CYYR1: variants seen among roughly 807,000 people sequenced by gnomAD.
CYYR1 encodes the protein cysteine and tyrosine-rich protein 1.
Under a neutral mutation model 15.2 loss-of-function variants are expected in CYYR1, and 14 were observed. That is an observed-to-expected ratio of 0.92 (90% confidence interval 0.61 to 1.44). The LOEUF (loss-of-function observed/expected upper bound fraction) is 1.44, where lower values mean the gene tolerates loss of function less well. Ranked by LOEUF, CYYR1 falls within the 40% of genes most tolerant of loss-of-function variation. The pLI, the probability that CYYR1 is intolerant of heterozygous loss-of-function variation, is 0.00. For missense variants in CYYR1, 228 were observed against 209.5 expected, an observed-to-expected ratio of 1.09 and a Z score of -0.54; for synonymous variants, 80 against 77.4, an observed-to-expected ratio of 1.03 and a Z score of -0.18.
At chr21:26,472,024 C>T (rs1163016684) in intron 3 of CYYR1, among the ~76,000 whole-genome samples, 1 of 152,170 alleles carries the variant, frequency 6.6e-6, no homozygotes, top group Non-Finnish European at 1.5e-5. Context: ...AAACTATTCA[C>T]AATTATTTCA....
chr21:26,468,528 A>G lies in CYYR1; in HGVS notation c.441T>C (p.Pro147=). ...ATTTCCTTGCGTTTCCAGGATAAGGAGGGGGTGGAGAACGCTGTGCTGGAC... is the reference window on the plus strand; with the variant it reads ...ATTTCCTTGCGTTTCCAGGATAAGGGGGGGGTGGAGAACGCTGTGCTGGAC... ...PQGPAQRSPP[P]PYPGNARK The change falls in exon 4 of 4, where the codon CCT becomes CCC. Residue 147 remains proline, a synonymous_variant. Transcript: ENST00000652641. 6.2e-7 allele frequency: 1 copy of G among 1,601,130 alleles called. No homozygotes were observed. The highest frequency in any genetic ancestry group is 8.6e-7 in the Non-Finnish European group (1 of 1,168,550).
intron 3 of CYYR1, among the ~76,000 whole-genome samples, chr21:26,475,328 C>T (rs568958475): frequency 6.6e-4 from 100 of 152,206 alleles, no homozygotes; most frequent in African/African-American, 2.3e-3. Flanking sequence ...ACCAAGTCTA[C>T]AACTCATTGA....
intron 2 of CYYR1, among the ~76,000 whole-genome samples, chr21:26,515,799 T>C (rs1170728020): frequency 6.6e-6 from 1 of 152,194 alleles, no homozygotes; most frequent in African/African-American, 2.4e-5. Flanking sequence ...ACAAAAGACA[T>C]GCTTAAAATA....
intron 2 of CYYR1, among the ~76,000 whole-genome samples, chr21:26,531,788 C>A (rs991400468): frequency 2.0e-5 from 3 of 151,958 alleles, no homozygotes; most frequent in Non-Finnish European, 2.9e-5. Context: ...ATCCTTAGAT[C>A]GATAAAGAGT....
At chr21:26,566,240 T>C (rs1217904695) in intron 2 of CYYR1, 26 bp downstream of exon 2, 1 of 1,530,638 alleles carries the variant, frequency 6.5e-7, no homozygotes, top group Non-Finnish European at 9.1e-7. Flanking sequence ...AGAGCATCAG[T>C]ATTGCCAAAT....
rs1385766575 is a variant in CYYR1 at position 26,543,130 on chromosome 21, A to G, written c.176+23136T>C. Among the ~76,000 whole-genome samples, 3 of 152,194 alleles carry G rather than the reference A, an allele frequency of 2.0e-5. No individual in the cohort carries two copies. In the East Asian group the frequency reaches 5.8e-4, roughly 29 times the overall value. ...TGTTCTCACTTAGAAGTAGGAGCTG[A>G]ACAAGGAGAACACAGGGACACAGGG... is the stretch of plus-strand genomic sequence containing the variant. On this transcript the variant is annotated intron_variant, in intron 2 of 3. Transcript: ENST00000652641.
chr21:26,496,168 G>T (rs1426604076), intron 2 of CYYR1, among the ~76,000 whole-genome samples: 5 of 152,206 alleles, frequency 3.3e-5, no homozygotes, highest in Non-Finnish European at 7.3e-5. Flanking sequence ...TATTTTTAAA[G>T]TTACCCTAGT....
intron 2 of CYYR1, among the ~76,000 whole-genome samples, chr21:26,486,320 T>TA (rs1176206902): frequency 6.6e-6 from 1 of 152,076 alleles, no homozygotes; most frequent in Non-Finnish European, 1.5e-5. Context: ...TTTGGGGTCA[T>TA]ACGTGGGAAC....
chr21:26,571,404 C>T (rs1373591538), intron 1 of CYYR1, among the ~76,000 whole-genome samples: 1 of 152,232 alleles, frequency 6.6e-6, no homozygotes, highest in Non-Finnish European at 1.5e-5. Context: ...TTGTTGCTGG[C>T]CAGCTTCGCT....
At chr21:26,508,569 G>A (rs140065074) in intron 2 of CYYR1, among the ~76,000 whole-genome samples, 2 of 152,294 alleles carry the variant, frequency 1.3e-5, no homozygotes, top group East Asian at 3.9e-4. Flanking sequence ...TCTGGAATAG[G>A]TAGTTAGGAA....
At chr21:26,472,337 A>ATT (rs368480987) in intron 3 of CYYR1, among the ~76,000 whole-genome samples, 2,117 of 149,612 alleles carry the variant, frequency 0.014, 49 homozygotes, top group African/African-American at 0.049. Flanking sequence ...CTTTTTAATT[A>ATT]TTTTTTTTTT....
intron 2 of CYYR1, among the ~76,000 whole-genome samples, chr21:26,513,375 A>G (rs1224423622): frequency 6.6e-6 from 1 of 152,176 alleles, no homozygotes; most frequent in African/African-American, 2.4e-5. Flanking sequence ...CTGGAGGCTG[A>G]GACTAGGACT....
intron 2 of CYYR1, among the ~76,000 whole-genome samples, chr21:26,485,172 C>A (rs903844817): frequency 6.6e-6 from 1 of 152,002 alleles, no homozygotes; most frequent in South Asian, 2.1e-4. Context: ...AAGGTTTGCA[C>A]ATTTTCCTCT....
chr21:26,504,300 T>C (rs747256500), intron 2 of CYYR1, among the ~76,000 whole-genome samples: 10 of 152,058 alleles, frequency 6.6e-5, no homozygotes, highest in Non-Finnish European at 1.2e-4. Flanking sequence ...AGACAGAGTC[T>C]TGCCCTGTCA....
intron 2 of CYYR1, among the ~76,000 whole-genome samples, chr21:26,527,165 C>T (rs1202497603): frequency 6.6e-6 from 1 of 152,140 alleles, no homozygotes; most frequent in Non-Finnish European, 1.5e-5. Flanking sequence ...GGCATTTGGA[C>T]ATTTGGAACA....
chr21:26,533,258 T>G (rs1601800898), intron 2 of CYYR1, among the ~76,000 whole-genome samples: 1 of 149,670 alleles, frequency 6.7e-6, no homozygotes, highest in Admixed American at 6.7e-5. Flanking sequence ...CTTATAAATA[T>G]TTATATATAT....
At chr21:26,494,593 A>G (rs893294010) in intron 2 of CYYR1, among the ~76,000 whole-genome samples, 27 of 152,224 alleles carry the variant, frequency 1.8e-4, no homozygotes, top group African/African-American at 6.3e-4. Context: ...AAAGATGGCT[A>G]CACCAAGACG....
intron 2 of CYYR1, among the ~76,000 whole-genome samples, chr21:26,541,722 T>C (rs1218895947): frequency 6.6e-6 from 1 of 152,192 alleles, no homozygotes; most frequent in Non-Finnish European, 1.5e-5. Flanking sequence ...TTGCATAGCA[T>C]CTTATGTAAT....
At chr21:26,503,875 A>G (rs1405773414) in intron 2 of CYYR1, among the ~76,000 whole-genome samples, 1 of 152,240 alleles carries the variant, frequency 6.6e-6, no homozygotes, top group Non-Finnish European at 1.5e-5. Flanking sequence ...CATTTTCTTC[A>G]TGGAAGACGC....
Sources: gnomAD v4.1 joint callset for allele counts (sites outside exome capture counted in the v4.1 genomes callset) on GRCh38, gnomAD v4.1.1 for gene constraint, MANE v1.5 for transcripts, NCBI Gene and HGNC (gene_info 2026-07-23, HGNC 2026-07-21) for gene names.